The following CCDC6 variants were observed in gnomAD, a reference collection of about 807,000 sequenced individuals.
The protein encoded by CCDC6 is coiled-coil domain containing 6, also known as coiled-coil domain-containing protein 6.
A neutral mutation model predicts 56.6 loss-of-function variants in CCDC6; 20 were observed. The observed-to-expected ratio is 0.35, with a 90% CI of 0.25 to 0.51. The LOEUF (loss-of-function observed/expected upper bound fraction) is 0.51. Ranked by LOEUF, CCDC6 falls within the 20% of genes least tolerant of loss-of-function variation. The pLI, the probability that CCDC6 is intolerant of heterozygous loss-of-function variation, is 0.95. For missense variants in CCDC6, 367 were observed against 601.1 expected, an observed-to-expected ratio of 0.61 and a Z score of 4.07; for synonymous variants, 241 against 234.4, an observed-to-expected ratio of 1.03 and a Z score of -0.26.
At chr10:59,904,730 T>C (rs1016015737) in intron 1 of CCDC6, among the ~76,000 whole-genome samples, 29 of 152,346 alleles carry the variant, frequency 1.9e-4, no homozygotes, top group African/African-American at 6.0e-4. Context: ...CAAAATTGGA[T>C]TTGAGCATGA....
intron 3 of CCDC6, among the ~76,000 whole-genome samples, chr10:59,824,678 A>AGAGGAG (rs140235486): frequency 7.2e-5 from 11 of 152,160 alleles, no homozygotes; most frequent in East Asian, 3.9e-4. Flanking sequence ...GGAAGAGAAA[A>AGAGGAG]GAGGAGGAGG....
At chr10:59,812,551 G>A in intron 5 of CCDC6, 84 bp downstream of exon 5, 1 of 851,738 alleles carries the variant, frequency 1.2e-6, no homozygotes, top group East Asian at 2.7e-5. Context: ...AAATTCAACA[G>A]TAATTAAATG....
intron 2 of CCDC6, among the ~76,000 whole-genome samples, chr10:59,835,472 T>A (rs1338670986): frequency 6.6e-6 from 1 of 152,226 alleles, no homozygotes; most frequent in African/African-American, 2.4e-5. Flanking sequence ...TCTCAAGAGC[T>A]GTACCCTAAG....
At chr10:59,856,194 A>G (rs1477064142) in intron 1 of CCDC6, among the ~76,000 whole-genome samples, 1 of 152,124 alleles carries the variant, frequency 6.6e-6, no homozygotes, top group African/African-American at 2.4e-5. Flanking sequence ...TATGGCATCT[A>G]AACACCCAGA....
In CCDC6 at chr10:59,865,272, T is replaced by C. The variant is rs552533758; in HGVS notation, c.304-12570A>G. Among the ~76,000 whole-genome samples the C allele has an allele frequency of 2.0e-5, 3 of 152,248 alleles. No individual in the cohort carries two copies. In the South Asian group the frequency reaches 6.2e-4, roughly 32 times the overall value. ...CTGCGGTGTTTCTCAGTTGCACCTG[T>C]GCAGAGAAAAGGAAGTAATCAAGCA... On this transcript the variant is annotated intron_variant, in intron 1 of 8. Coordinates refer to ENST00000263102, the MANE Select transcript of CCDC6 (RefSeq NM_005436.5).
chr10:59,816,698 T>C (rs1315260340), intron 3 of CCDC6, among the ~76,000 whole-genome samples: 1 of 152,252 alleles, frequency 6.6e-6, no homozygotes, highest in African/African-American at 2.4e-5. Context: ...TTTTTGGCTA[T>C]GATAATCACT....
chr10:59,905,810 C>A (rs1171695663), intron 1 of CCDC6, among the ~76,000 whole-genome samples: 1 of 152,206 alleles, frequency 6.6e-6, no homozygotes, highest in Admixed American at 6.5e-5. Context: ...GCCCCCCAGC[C>A]ACGCCGCCAG....
Position 59,837,228 on chromosome 10 carries a change from A to G in CCDC6, c.454-4575T>C, listed in dbSNP as rs553471656. ...TTCTTTCTAGCAGGTAGAGGCATTG[A>G]AAATCATTTACCTGGGAGAACCTCC... is the stretch of plus-strand genomic sequence containing the variant. On this transcript the variant is annotated intron_variant, in intron 2 of 8. Transcript: ENST00000263102. Among the ~76,000 whole-genome samples, 17 of 152,344 alleles carry G rather than the reference A, an allele frequency of 1.1e-4. No individual in the cohort carries two copies. The South Asian group carries it at 3.1e-3, about 28-fold the overall frequency.
chr10:59,859,328 T>C (rs1291470528), intron 1 of CCDC6, among the ~76,000 whole-genome samples: 1 of 152,050 alleles, frequency 6.6e-6, no homozygotes, highest in African/African-American at 2.4e-5. Context: ...AAACAATCTA[T>C]TTTGGATCCC....
At chr10:59,886,233 C>G (rs1472512100) in intron 1 of CCDC6, among the ~76,000 whole-genome samples, 1 of 152,024 alleles carries the variant, frequency 6.6e-6, no homozygotes, top group Non-Finnish European at 1.5e-5. Context: ...AAAAATAATG[C>G]CAATTACACT....
At chr10:59,860,644 G>C (rs1175166350) in intron 1 of CCDC6, among the ~76,000 whole-genome samples, 1 of 152,048 alleles carries the variant, frequency 6.6e-6, no homozygotes, top group African/African-American at 2.4e-5. Context: ...AAAAACCTGT[G>C]GTAGAATGAA....
At chr10:59,815,772 G>A (rs73263431) in intron 3 of CCDC6, among the ~76,000 whole-genome samples, 1,573 of 152,248 alleles carry the variant, frequency 0.01, 39 homozygotes, top group African/African-American at 0.036. Context: ...CAATGGTTGA[G>A]TCAACAAATT....
chr10:59,883,347 A>C (rs1199067964), intron 1 of CCDC6, among the ~76,000 whole-genome samples: 1 of 152,140 alleles, frequency 6.6e-6, no homozygotes, highest in Non-Finnish European at 1.5e-5. Flanking sequence ...TCCAAGTGAA[A>C]TGATGGTATC....
intron 1 of CCDC6, among the ~76,000 whole-genome samples, chr10:59,874,343 A>T (rs1441849931): frequency 6.6e-6 from 1 of 152,170 alleles, no homozygotes; most frequent in Non-Finnish European, 1.5e-5. Context: ...CTGTAATTTT[A>T]TCATTTTTAT....
intron 1 of CCDC6, among the ~76,000 whole-genome samples, chr10:59,885,274 A>G (rs941995857): frequency 2.6e-5 from 4 of 152,168 alleles, no homozygotes; most frequent in Admixed American, 2.6e-4. Context: ...ACAAGCAGTA[A>G]ATTATTTTGC....
At chr10:59,871,473 A>T (rs2071229627) in intron 1 of CCDC6, among the ~76,000 whole-genome samples, 1 of 20,902 alleles carries the variant, frequency 4.8e-5, no homozygotes, top group Non-Finnish European at 1.2e-4. Context: ...CTCATTAAAA[A>T]AAAAAAAAAA....
chr10:59,879,844 A>G (rs945255889), intron 1 of CCDC6, among the ~76,000 whole-genome samples: 9 of 152,242 alleles, frequency 5.9e-5, no homozygotes, highest in Admixed American at 1.3e-4. Context: ...TTTCCCCTCA[A>G]TGCAATGAAC....
At chr10:59,862,797 C>T (rs543471278) in intron 1 of CCDC6, among the ~76,000 whole-genome samples, 3 of 151,962 alleles carry the variant, frequency 2.0e-5, no homozygotes, top group African/African-American at 4.8e-5. Flanking sequence ...TCTTATATAA[C>T]GTATATGGCA....
intron 5 of CCDC6, among the ~76,000 whole-genome samples, chr10:59,808,622 C>G (rs534004733): frequency 1.3e-5 from 2 of 152,172 alleles, no homozygotes; most frequent in South Asian, 2.1e-4. Flanking sequence ...GCCATGAGCA[C>G]GTCTAAGAGA....
Sources: allele counts gnomAD v4.1 joint callset (sites outside exome capture counted in the v4.1 genomes callset), GRCh38; gene constraint gnomAD v4.1.1; transcripts MANE v1.5; gene names NCBI Gene and HGNC (gene_info 2026-07-23, HGNC 2026-07-21).